Variants in ITGA9 observed in about 807,000 individuals in gnomAD.
ITGA9 encodes the protein integrin alpha-9.
ITGA9 carries 56 observed loss-of-function variants against 127.8 expected under a neutral mutation model. That is an observed-to-expected ratio of 0.44 (90% CI 0.35 to 0.55). ITGA9 has a LOEUF of 0.55. Ranked by LOEUF, ITGA9 falls within the 20% of genes least tolerant of loss-of-function variation. ITGA9 has a pLI of 0.00. For missense variants in ITGA9, 1,196 were observed against 1,347.1 expected (o/e 0.89, Z 1.76); for synonymous variants, 508 against 514.5 (o/e 0.99, Z 0.17).
At chr3:37,704,690 G>T (rs1388183667) in intron 18 of ITGA9, among the ~76,000 whole-genome samples, 1 of 152,208 alleles carries the variant, frequency 6.6e-6, no homozygotes, top group African/African-American at 2.4e-5. Context: ...CTTGCTGGAT[G>T]CTGGTGGCTT....
intron 23 of ITGA9, among the ~76,000 whole-genome samples, chr3:37,760,586 C>T (rs1295506505): frequency 6.6e-6 from 1 of 152,106 alleles, no homozygotes; most frequent in Non-Finnish European, 1.5e-5. Context: ...AGTGTATAAA[C>T]TCTTCAATAA....
intron 8 of ITGA9, among the ~76,000 whole-genome samples, chr3:37,511,427 C>T (rs1698903448): frequency 6.6e-6 from 1 of 152,152 alleles, no homozygotes; most frequent in Non-Finnish European, 1.5e-5. Context: ...TATTTCAAAA[C>T]TGAGATAGGA....
At chr3:37,524,292 G>A (rs1264815894) in intron 12 of ITGA9, among the ~76,000 whole-genome samples, 1 of 152,124 alleles carries the variant, frequency 6.6e-6, no homozygotes, top group Non-Finnish European at 1.5e-5. Context: ...GTAAGAATTT[G>A]AAAAAATCCA....
At chr3:37,705,732 C>T (rs890796777) in intron 18 of ITGA9, among the ~76,000 whole-genome samples, 1 of 152,202 alleles carries the variant, frequency 6.6e-6, no homozygotes, top group African/African-American at 2.4e-5. Context: ...TGGAAGTATA[C>T]AGCAACCATT....
At position 37,512,117 on chromosome 3, in the gene ITGA9, CTTCTTTCTTTTCTTTTCTT is replaced by C. The variant is rs1268823171; in HGVS notation, c.898-1639_898-1621del. 2.8e-4 allele frequency among the ~76,000 whole-genome samples: 16 copies of C among 57,702 alleles called. 3 individuals are homozygous for C. Among genetic ancestry groups the C allele is most frequent in the African/African-American group, 1.1e-3 (14 of 12,656 alleles). 37.9% of individuals were successfully genotyped at this position (57,702 alleles called of 152,430 possible). On this transcript the variant is annotated intron_variant, in intron 8 of 27. Coordinates refer to ENST00000264741, the MANE Select transcript of ITGA9 (RefSeq NM_002207.3). ...CCTTCCTTCCTTCCTTCCTTCCTTC[CTTCTTTCTTTTCTTTTCTT>C]TTCTTTTCTTTTCTTTTCTTTTCTT...
intron 16 of ITGA9, among the ~76,000 whole-genome samples, chr3:37,653,254 GC>G (rs757981965): frequency 5.3e-5 from 8 of 152,306 alleles, no homozygotes; most frequent in Non-Finnish European, 8.8e-5. Context: ...CAGTCCCATT[GC>G]TCAGGCAGAA....
At chr3:37,551,410 G>A (rs1412656064) in intron 15 of ITGA9, among the ~76,000 whole-genome samples, 2 of 152,128 alleles carry the variant, frequency 1.3e-5, no homozygotes, top group Non-Finnish European at 2.9e-5. Flanking sequence ...AGCTCTGGAA[G>A]TTTTCCTACC....
At chr3:37,800,391 G>A (rs1002246316) in intron 26 of ITGA9, among the ~76,000 whole-genome samples, 2 of 152,210 alleles carry the variant, frequency 1.3e-5, no homozygotes, top group African/African-American at 2.4e-5. Flanking sequence ...TTTCACAGAG[G>A]AAGAGAAAGT....
intron 15 of ITGA9, among the ~76,000 whole-genome samples, chr3:37,586,003 T>A (rs1699756180): frequency 6.6e-6 from 1 of 152,208 alleles, no homozygotes; most frequent in Non-Finnish European, 1.5e-5. Flanking sequence ...GGTCTGTGAC[T>A]GAGGAGACGT....
chr3:37,679,503 T>A (rs1483720858), intron 17 of ITGA9, among the ~76,000 whole-genome samples: 2 of 144,286 alleles, frequency 1.4e-5, no homozygotes, highest in Non-Finnish European at 3.1e-5. Context: ...ACTCAGACCC[T>A]GCATGGCCGG....
At chr3:37,789,512 C>A (rs1697079557) in intron 26 of ITGA9, among the ~76,000 whole-genome samples, 1 of 151,718 alleles carries the variant, frequency 6.6e-6, no homozygotes, top group South Asian at 2.1e-4. Flanking sequence ...GTAATCCTAG[C>A]ACTTTGGGAG....
intron 15 of ITGA9, among the ~76,000 whole-genome samples, chr3:37,542,825 G>C (rs1699287995): frequency 6.6e-6 from 1 of 152,082 alleles, no homozygotes; most frequent in African/African-American, 2.4e-5. Context: ...ACCAGTGATG[G>C]TCCCTGGCTT....
rs537148316 is a variant in ITGA9, at chr3:37,531,823, G to A, written c.1374-1491G>A. Among the ~76,000 whole-genome samples the A allele has an allele frequency of 2.6e-5, 4 of 152,344 alleles. No homozygotes were observed. In the South Asian group the frequency reaches 6.2e-4, roughly 24 times the overall value. Reference sequence around the variant, plus strand: ...TCCCAGCCCTTGCAGGGTGCTGCAGGATGGTGGGGCAGGTTTGGAAATAGA... The same window carrying A: ...TCCCAGCCCTTGCAGGGTGCTGCAGAATGGTGGGGCAGGTTTGGAAATAGA... On this transcript the variant is annotated intron_variant, in intron 13 of 27. Coordinates refer to ENST00000264741, the MANE Select transcript of ITGA9 (RefSeq NM_002207.3).
At chr3:37,496,733 C>G (rs755207931) in intron 5 of ITGA9, among the ~76,000 whole-genome samples, 1 of 152,198 alleles carries the variant, frequency 6.6e-6, no homozygotes, top group Non-Finnish European at 1.5e-5. Context: ...TCATACCTTT[C>G]CAGGCTCATC....
intron 18 of ITGA9, among the ~76,000 whole-genome samples, chr3:37,692,412 A>AGAGTGT (rs1553658497): frequency 1.2e-3 from 179 of 146,064 alleles, no homozygotes; most frequent in African/African-American, 4.3e-3. Flanking sequence ...AGAGAGAGAG[A>AGAGTGT]GTGTGTGTGT....
chr3:37,585,622 T>C, intron 15 of ITGA9: 1 of 516,082 alleles, frequency 1.9e-6, no homozygotes, highest in Non-Finnish European at 3.9e-6. Context: ...CATATTACAT[T>C]CCAAGAAGGG....
At chr3:37,719,984 C>T (rs895310382) in intron 18 of ITGA9, among the ~76,000 whole-genome samples, 3 of 152,096 alleles carry the variant, frequency 2.0e-5, no homozygotes, top group Non-Finnish European at 4.4e-5. Context: ...AGGTGGTCTT[C>T]GTGGGGTGAA....
At chr3:37,543,780 G>A (rs1699299144) in intron 15 of ITGA9, among the ~76,000 whole-genome samples, 1 of 152,176 alleles carries the variant, frequency 6.6e-6, no homozygotes, top group South Asian at 2.1e-4. Flanking sequence ...CACACCCATG[G>A]CCCAGAGCCC....
intron 4 of ITGA9, among the ~76,000 whole-genome samples, chr3:37,484,685 A>G (rs1698591222): frequency 6.6e-6 from 1 of 152,130 alleles, no homozygotes; most frequent in African/African-American, 2.4e-5. Flanking sequence ...GAGGCAGAGT[A>G]GCTTGGTGGC....
Sources: gnomAD v4.1 joint callset for allele counts (sites outside exome capture counted in the v4.1 genomes callset) on GRCh38, gnomAD v4.1.1 for gene constraint, MANE v1.5 for transcripts, NCBI Gene and HGNC (gene_info 2026-07-23, HGNC 2026-07-21) for gene names.